ATP8A2: variants seen among roughly 807,000 people sequenced by gnomAD.
The protein encoded by ATP8A2 is phospholipid-transporting ATPase IB.
ATP8A2 carries 100 observed loss-of-function variants against 165.6 expected under a neutral mutation model. The ratio of observed to expected loss-of-function variants is 0.60; its 90% CI spans 0.51 to 0.71. The LOEUF (loss-of-function observed/expected upper bound fraction) is 0.71. Among genes scored for constraint, ATP8A2 ranks in the 30% least tolerant of loss-of-function variants. ATP8A2 has a pLI of 0.00. For missense variants in ATP8A2, 1,227 were observed against 1,479.5 expected, an observed-to-expected ratio of 0.83 and a Z score of 2.80; for synonymous variants, 543 against 548.8, an observed-to-expected ratio of 0.99 and a Z score of 0.15.
At chr13:25,443,910 C>T (rs142530402) in intron 1 of ATP8A2, among the ~76,000 whole-genome samples, 1,615 of 152,302 alleles carry the variant, frequency 0.011, 14 homozygotes, top group Middle Eastern at 0.017. Flanking sequence ...ATGATAAATG[C>T]ATTTGGCATA....
intron 33 of ATP8A2, among the ~76,000 whole-genome samples, chr13:25,904,110 G>A (rs1007557455): frequency 7.2e-5 from 11 of 152,272 alleles, no homozygotes; most frequent in African/African-American, 2.6e-4. Flanking sequence ...TCCCTGGTCT[G>A]AAAACCTGAG....
chr13:25,391,486 T>G (rs1266381114), intron 1 of ATP8A2, among the ~76,000 whole-genome samples: 3 of 152,210 alleles, frequency 2.0e-5, no homozygotes, highest in Non-Finnish European at 4.4e-5. Flanking sequence ...CATAATCCCT[T>G]TCCCCAAGAA....
intron 33 of ATP8A2, among the ~76,000 whole-genome samples, chr13:25,909,253 A>C (rs184003445): frequency 6.6e-6 from 1 of 152,174 alleles, no homozygotes; most frequent in African/African-American, 2.4e-5. Flanking sequence ...TATATATCTC[A>C]AAATACCTAG....
intron 28 of ATP8A2, among the ~76,000 whole-genome samples, chr13:25,836,426 C>T (rs1344497607): frequency 5.9e-5 from 9 of 152,196 alleles, no homozygotes; most frequent in Non-Finnish European, 1.3e-4. Context: ...GCCCACATCC[C>T]TGTCATCTTG....
chr13:25,916,208 C>T (rs1167621616), intron 33 of ATP8A2, among the ~76,000 whole-genome samples: 1 of 152,216 alleles, frequency 6.6e-6, no homozygotes, highest in Non-Finnish European at 1.5e-5. Context: ...TTTCACATAA[C>T]TCATCCTAAA....
At chr13:25,984,328 G>A (rs1956230335) in intron 35 of ATP8A2, among the ~76,000 whole-genome samples, 1 of 152,110 alleles carries the variant, frequency 6.6e-6, no homozygotes, top group Non-Finnish European at 1.5e-5. Context: ...TTGGAGCTGG[G>A]CCCAGTGGCT....
chr13:25,410,391 A>G (rs1189275146), intron 1 of ATP8A2, among the ~76,000 whole-genome samples: 1 of 152,194 alleles, frequency 6.6e-6, no homozygotes, highest in African/African-American at 2.4e-5. Flanking sequence ...ATAGAAGTTA[A>G]TTCACTTGCT....
At chr13:25,849,438 T>G (rs1951953438) in intron 30 of ATP8A2, among the ~76,000 whole-genome samples, 1 of 152,222 alleles carries the variant, frequency 6.6e-6, no homozygotes, top group African/African-American at 2.4e-5. Context: ...AATGAGCATT[T>G]AATTGAAATG....
chr13:25,552,414 A>G (rs537056111), intron 11 of ATP8A2, among the ~76,000 whole-genome samples: 3 of 152,166 alleles, frequency 2.0e-5, no homozygotes, highest in Admixed American at 1.3e-4. Context: ...ACTCCTTTGC[A>G]CTGTCATATA....
At chr13:25,463,055 G>A (rs897663622) in intron 1 of ATP8A2, among the ~76,000 whole-genome samples, 3 of 151,776 alleles carry the variant, frequency 2.0e-5, no homozygotes, top group Non-Finnish European at 2.9e-5. Context: ...TGTGACTGGC[G>A]TTGGGAGGAT....
chr13:25,822,929 C>T (rs1951218343), intron 27 of ATP8A2, among the ~76,000 whole-genome samples: 1 of 152,182 alleles, frequency 6.6e-6, no homozygotes, highest in African/African-American at 2.4e-5. Flanking sequence ...ACTACATATT[C>T]TTTTCCAAAT....
intron 24 of ATP8A2, among the ~76,000 whole-genome samples, chr13:25,682,778 C>T (rs779252705): frequency 6.6e-6 from 1 of 152,166 alleles, no homozygotes; most frequent in Non-Finnish European, 1.5e-5. Flanking sequence ...CTCCCCACCC[C>T]GCCTGCCCCA....
chr13:25,960,345 A>G (rs1955631353), intron 33 of ATP8A2, among the ~76,000 whole-genome samples: 1 of 152,162 alleles, frequency 6.6e-6, no homozygotes, highest in Admixed American at 6.5e-5. Context: ...TACTGTATAA[A>G]GGGAGCTACT....
At chr13:25,963,694 A>G (rs1434871216) in intron 34 of ATP8A2, among the ~76,000 whole-genome samples, 2 of 152,234 alleles carry the variant, frequency 1.3e-5, no homozygotes, top group Non-Finnish European at 2.9e-5. Flanking sequence ...GTATATTTGC[A>G]GAAGACTTTA....
At chr13:25,551,147 T>C (rs565807185) in intron 10 of ATP8A2, among the ~76,000 whole-genome samples, 191 bp from the exon 11 acceptor site, 1 of 152,370 alleles carries the variant, frequency 6.6e-6, no homozygotes, top group East Asian at 1.9e-4. Flanking sequence ...GAGTATGTTG[T>C]CTTTCTTCAT....
intron 33 of ATP8A2, among the ~76,000 whole-genome samples, chr13:25,885,005 T>G (rs1385480022): frequency 6.6e-6 from 1 of 152,136 alleles, no homozygotes; most frequent in Non-Finnish European, 1.5e-5. Flanking sequence ...CCTGTTACTT[T>G]GTGGCAGGGC....
At chr13:25,651,607 C>T (rs2041814930) in intron 24 of ATP8A2, among the ~76,000 whole-genome samples, 1 of 151,746 alleles carries the variant, frequency 6.6e-6, no homozygotes. Context: ...CAGTTTTATT[C>T]AAGTTATATA....
intron 33 of ATP8A2, among the ~76,000 whole-genome samples, chr13:25,885,479 T>G (rs1465861189): frequency 1.3e-5 from 2 of 152,026 alleles, no homozygotes; most frequent in Non-Finnish European, 2.9e-5. Context: ...TTGGGGTGGC[T>G]GGCATGCTTC....
intron 23 of ATP8A2, among the ~76,000 whole-genome samples, chr13:25,588,774 C>T (rs780131453): frequency 1.2e-4 from 18 of 152,086 alleles, no homozygotes; most frequent in Non-Finnish European, 2.4e-4. Context: ...TCGTCGCTAA[C>T]CCCCCAAGGC....
Sources: gnomAD v4.1 joint callset for allele counts (sites outside exome capture counted in the v4.1 genomes callset) on GRCh38, gnomAD v4.1.1 for gene constraint, MANE v1.5 for transcripts, NCBI Gene and HGNC (gene_info 2026-07-23, HGNC 2026-07-21) for gene names.